Variants in SHTN1 observed in about 807,000 individuals in gnomAD.
The protein encoded by SHTN1 is shootin-1.
In SHTN1, 42 loss-of-function variants were observed where a neutral mutation model predicts 83.1. The observed-to-expected ratio is 0.51, with a 90% CI of 0.39 to 0.65. SHTN1 has a LOEUF of 0.65. Among genes scored for constraint, SHTN1 ranks in the 30% least tolerant of loss-of-function variants. SHTN1 has a pLI of 0.00. For synonymous variants in SHTN1, 224 were observed against 247.7 expected, an observed-to-expected ratio of 0.90 and a Z score of 0.90; for missense variants, 622 against 737.8, an observed-to-expected ratio of 0.84 and a Z score of 1.82.
intron 2 of SHTN1, among the ~76,000 whole-genome samples, chr10:117,023,190 T>G (rs1208501201): frequency 6.6e-6 from 1 of 152,230 alleles, no homozygotes. Context: ...AAGGACCACT[T>G]TTAGGCTTAC....
chr10:117,022,538 TACAC>T (rs1482664542), intron 2 of SHTN1, among the ~76,000 whole-genome samples: 1 of 151,758 alleles, frequency 6.6e-6, no homozygotes, highest in Non-Finnish European at 1.5e-5. Context: ...AAAAAAAAAA[TACAC>T]ACAACTAAAC....
intron 2 of SHTN1, among the ~76,000 whole-genome samples, chr10:117,015,925 T>G (rs1852175186): frequency 6.6e-6 from 1 of 152,246 alleles, no homozygotes; most frequent in Non-Finnish European, 1.5e-5. Context: ...TCCTTTATGC[T>G]TGAAAGATGT....
chr10:116,959,665 G>A (rs1198011185), intron 4 of SHTN1, among the ~76,000 whole-genome samples: 1 of 152,144 alleles, frequency 6.6e-6, no homozygotes, highest in Non-Finnish European at 1.5e-5. Context: ...TGGAACACTG[G>A]AGGTCACCTT....
chr10:116,973,983 C>A, intron 2 of SHTN1: 1 of 1,201,498 alleles, frequency 8.3e-7, no homozygotes, highest in Non-Finnish European at 1.1e-6. Context: ...ACACTCTTAT[C>A]CCTAAAGAAT....
chr10:117,100,133 C>T (rs932354634), intron 1 of SHTN1, among the ~76,000 whole-genome samples: 25 of 152,180 alleles, frequency 1.6e-4, no homozygotes, highest in African/African-American at 4.3e-4. Flanking sequence ...GCCGAGATAG[C>T]GCCATTGCAC....
At chr10:116,968,467 A>C (rs1186979850) in intron 3 of SHTN1, among the ~76,000 whole-genome samples, 185 bp downstream of exon 3, 1 of 152,218 alleles carries the variant, frequency 6.6e-6, no homozygotes, top group Non-Finnish European at 1.5e-5. Flanking sequence ...TGATGAAACA[A>C]TGATGTTTAT....
At chr10:117,018,107 A>G (rs1276050421) in intron 2 of SHTN1, among the ~76,000 whole-genome samples, 1 of 152,180 alleles carries the variant, frequency 6.6e-6, no homozygotes, top group African/African-American at 2.4e-5. Context: ...TGGATCCTGG[A>G]ACAGAAAAAG....
At chr10:117,088,815 A>C (rs1434757010) in intron 1 of SHTN1, among the ~76,000 whole-genome samples, 1 of 152,182 alleles carries the variant, frequency 6.6e-6, no homozygotes, top group Non-Finnish European at 1.5e-5. Context: ...TCTGCCACTA[A>C]AACATAGATG....
chr10:117,066,426 T>C (rs1442172508), intron 1 of SHTN1, among the ~76,000 whole-genome samples: 3 of 152,156 alleles, frequency 2.0e-5, no homozygotes, highest in African/African-American at 7.2e-5. Flanking sequence ...ATGGGTAGAA[T>C]TAAAATTGGG....
At chr10:116,900,068 A>G (rs1288168905) in intron 16 of SHTN1, among the ~76,000 whole-genome samples, 1 of 152,218 alleles carries the variant, frequency 6.6e-6, no homozygotes, top group Admixed American at 6.5e-5. Flanking sequence ...CTCAGATTCA[A>G]TCTGGATAGT....
At chr10:117,019,826 CAA>C (rs199637675) in intron 2 of SHTN1, among the ~76,000 whole-genome samples, 31 of 118,116 alleles carry the variant, frequency 2.6e-4, no homozygotes, top group Non-Finnish European at 3.3e-4. Flanking sequence ...GCCCTTGTCT[CAA>C]AAAAAAAAAA....
At chr10:116,897,256 T>C (rs1052120714) in intron 16 of SHTN1, among the ~76,000 whole-genome samples, 2 of 152,232 alleles carry the variant, frequency 1.3e-5, no homozygotes, top group East Asian at 1.9e-4. Flanking sequence ...GTCCTGAGGA[T>C]GTATTTTAAA....
intron 1 of SHTN1, among the ~76,000 whole-genome samples, chr10:117,003,560 T>C (rs944752638): frequency 6.6e-6 from 1 of 151,944 alleles, no homozygotes; most frequent in Admixed American, 6.6e-5. Flanking sequence ...CCGGGAGCAC[T>C]TCCCAACGGT....
At chr10:117,018,113 A>G (rs1184600755) in intron 2 of SHTN1, among the ~76,000 whole-genome samples, 2 of 152,198 alleles carry the variant, frequency 1.3e-5, no homozygotes, top group Non-Finnish European at 2.9e-5. Flanking sequence ...CTGGAACAGA[A>G]AAAGGGCATT....
At chr10:116,960,429 A>G in intron 3 of SHTN1, 199 bp from the exon 4 acceptor site, 1 of 458,814 alleles carries the variant, frequency 2.2e-6, no homozygotes, top group Middle Eastern at 4.7e-4. Context: ...ACAAGAACAC[A>G]ACAAAATACA....
chr10:116,999,220 T>C (rs1268402593), intron 1 of SHTN1, among the ~76,000 whole-genome samples: 1 of 152,206 alleles, frequency 6.6e-6, no homozygotes, highest in Non-Finnish European at 1.5e-5. Flanking sequence ...CGTCTGTACA[T>C]TGGAACATTA....
rs150825953 is a variant in SHTN1, at chr10:116,996,683, A to T, written c.58+8339T>A. Among the ~76,000 whole-genome samples the T allele has an allele frequency of 6.6e-5, 10 of 152,236 alleles. No homozygotes were observed. The East Asian group carries it at 1.9e-3, about 29-fold the overall frequency. Reference sequence around the variant, plus strand: ...TCTTATTAAGTATTTGTATGCTTATACATATAGAAACCTAACATTAAAGAG... The same window carrying T: ...TCTTATTAAGTATTTGTATGCTTATTCATATAGAAACCTAACATTAAAGAG... On this transcript the variant is annotated intron_variant, in intron 1 of 16. Transcript: ENST00000355371.
At chr10:117,126,224 C>G (rs930899127) in intron 1 of SHTN1, 3 of 153,652 alleles carry the variant, frequency 2.0e-5, no homozygotes, top group African/African-American at 7.2e-5. Flanking sequence ...TATTTCTGCC[C>G]GTGCTGGCAA....
At chr10:116,948,229 G>A (rs1289838248) in intron 7 of SHTN1, among the ~76,000 whole-genome samples, 1 of 152,192 alleles carries the variant, frequency 6.6e-6, no homozygotes, top group African/African-American at 2.4e-5. Flanking sequence ...ATAACTAGAT[G>A]GATAAAGTCA....
Sources: gnomAD v4.1 joint callset for allele counts (sites outside exome capture counted in the v4.1 genomes callset) on GRCh38, gnomAD v4.1.1 for gene constraint, MANE v1.5 for transcripts, NCBI Gene and HGNC (gene_info 2026-07-23, HGNC 2026-07-21) for gene names.